RMND5A: variants seen among roughly 807,000 people sequenced by gnomAD.
RMND5A encodes the protein E3 ubiquitin-protein transferase RMND5A.
A neutral mutation model predicts 49.7 loss-of-function variants in RMND5A; 17 were observed. The ratio of observed to expected loss-of-function variants is 0.34; its 90% CI spans 0.23 to 0.51. The LOEUF (loss-of-function observed/expected upper bound fraction) is 0.51, where lower values mean the gene tolerates loss of function less well. RMND5A is among the 20% of genes least tolerant of loss of function. The pLI is 0.96. For missense variants in RMND5A, 255 were observed against 471.3 expected (o/e 0.54, Z 4.25); for synonymous variants, 156 against 167.7 (o/e 0.93, Z 0.54).
chr2:86,753,631 T>C, intron 4 of RMND5A, 73 bp downstream of exon 4: 1 of 685,846 alleles, frequency 1.5e-6, no homozygotes, highest in Non-Finnish European at 2.5e-6. Flanking sequence ...GAAAACACAT[T>C]AGAGATTTTT....
intron 4 of RMND5A, among the ~76,000 whole-genome samples, chr2:86,764,378 T>C (rs781386045): frequency 6.6e-6 from 1 of 152,254 alleles, no homozygotes; most frequent in African/African-American, 2.4e-5. Flanking sequence ...CAGTTCAAGA[T>C]TGATTATTCC....
intron 6 of RMND5A, among the ~76,000 whole-genome samples, chr2:86,767,395 A>G (rs1420963807): frequency 1.3e-5 from 2 of 150,038 alleles, no homozygotes; most frequent in South Asian, 2.1e-4. Flanking sequence ...AATCATTAAC[A>G]TAGTTACGCA....
At chr2:86,769,789 G>T (rs1381714978) in intron 6 of RMND5A, among the ~76,000 whole-genome samples, 1 of 151,988 alleles carries the variant, frequency 6.6e-6, no homozygotes, top group Non-Finnish European at 1.5e-5. Context: ...ACTGGGATTG[G>T]TTTTCAGTAA....
At chr2:86,743,524 G>A (rs1015155542) in intron 2 of RMND5A, among the ~76,000 whole-genome samples, 4 of 151,824 alleles carry the variant, frequency 2.6e-5, no homozygotes, top group Admixed American at 6.6e-5. Context: ...GAGTGCAGTG[G>A]CACCATCTCA....
intron 4 of RMND5A, among the ~76,000 whole-genome samples, chr2:86,757,207 A>AAAAAAAAG (rs70958905): frequency 6.9e-6 from 1 of 144,574 alleles, no homozygotes. Flanking sequence ...AAAAAAAAAA[A>AAAAAAAAG]GTGGAGGTGG....
intron 4 of RMND5A, among the ~76,000 whole-genome samples, chr2:86,761,757 C>G (rs1001198171): frequency 3.3e-5 from 5 of 152,130 alleles, no homozygotes; most frequent in African/African-American, 1.2e-4. Flanking sequence ...CTCCCAGTTC[C>G]TTTTTGTAAA....
intron 1 of RMND5A, among the ~76,000 whole-genome samples, chr2:86,734,193 CT>C (rs1344591143): frequency 2.1e-5 from 3 of 140,344 alleles, no homozygotes; most frequent in African/African-American, 5.9e-5. Context: ...ATTATTTTTC[CT>C]TGGAGCATTC....
rs748849540 is a variant in RMND5A, at chr2:86,753,523, G to A, written c.486G>A (p.Glu162=). ...TTGTGGAGTTAAATAGAATATTAGA[G>A]GCATTAAAGGTCAGAGTTCTGAGAC... The part of the protein sequence containing the change: ...EPFVELNRIL[E]ALKVRVLRPA... Residue 162 remains glutamate (E), a synonymous_variant, in exon 4 of 9, where the codon GAG becomes GAA. Coordinates refer to ENST00000283632, the MANE Select transcript of RMND5A (RefSeq NM_022780.4). 1 of 1,611,214 alleles carries A rather than the reference G, an allele frequency of 6.2e-7. No homozygotes were observed. The highest frequency in any genetic ancestry group is 1.7e-5 in the Admixed American group (1 of 59,940).
chr2:86,722,247 TAATGAA>T (rs1245571637), intron 1 of RMND5A, among the ~76,000 whole-genome samples: 1 of 11,212 alleles, frequency 8.9e-5, no homozygotes, highest in Non-Finnish European at 2.0e-4. Flanking sequence ...TTGAAGGGCT[TAATGAA>T]GATAGAATCG....
At position 86,775,740 on chromosome 2, in the gene RMND5A, A is replaced by T. The variant is rs1272510076; in HGVS notation, c.*2329A>T. ...GAATCTGACATATTATATGGAAATT[A>T]TATCTTGTGACCGTCTTCAAGTGCA... On this transcript the variant is annotated 3_prime_UTR_variant, in exon 9 of 9. Coordinates refer to ENST00000283632, the MANE Select transcript of RMND5A (RefSeq NM_022780.4). 2.0e-5 allele frequency: 3 copies of T among 152,360 alleles called. No individual in the cohort carries two copies. The East Asian group carries it at 5.8e-4, about 29-fold the overall frequency. The allele number at this position is 152,360 out of a possible 1,614,324, so 9.4% of individuals were successfully genotyped here.
intron 2 of RMND5A, among the ~76,000 whole-genome samples, chr2:86,742,871 C>A (rs1422540057): frequency 6.6e-6 from 1 of 151,248 alleles, no homozygotes; most frequent in African/African-American, 2.4e-5. Flanking sequence ...CCAAGGCAGC[C>A]AATCAGAGAT....
chr2:86,720,645 A>C lies in RMND5A; in HGVS notation c.-23A>C. 1 of 1,525,136 alleles carries C rather than the reference A, an allele frequency of 6.6e-7. No individual in the cohort carries two copies. The highest frequency in any genetic ancestry group is 8.8e-7 in the Non-Finnish European group (1 of 1,139,908). 94.5% of individuals were successfully genotyped at this position (1,525,136 alleles called of 1,614,324 possible). A position where few individuals can be genotyped will look rare whatever the true frequency, so the allele number is the denominator to read the frequency against. On this transcript the variant is annotated 5_prime_UTR_variant, in exon 1 of 9. Coordinates refer to ENST00000283632, the MANE Select transcript of RMND5A (RefSeq NM_022780.4). ...GGCTGCGGACACCTGGGCGCCGAGG[A>C]GCCGAGCGCCGCCGCCTCCGGCATG...
intron 4 of RMND5A, among the ~76,000 whole-genome samples, chr2:86,763,373 A>G (rs150448386): frequency 5.3e-5 from 8 of 152,182 alleles, no homozygotes. Context: ...TAAATGCACT[A>G]CTTGGAACTG....
Position 86,777,555 on chromosome 2 carries a change from C to A in RMND5A, c.*4144C>A, listed in dbSNP as rs1672790048. 1 of 152,184 alleles carries A rather than the reference C, an allele frequency of 6.6e-6. No individual in the cohort carries two copies. Among genetic ancestry groups the A allele is most frequent in the Non-Finnish European group, 1.5e-5 (1 of 68,042 alleles). 9.4% of individuals were successfully genotyped at this position (152,184 alleles called of 1,614,324 possible). A position where few individuals can be genotyped will look rare whatever the true frequency, so the allele number is the denominator to read the frequency against. The stretch of plus-strand genomic sequence containing the variant: ...TTTTCTAAACTTACACTAAAGGATT[C>A]ATCAAATCATCTTGTTCAGATGGCT... On this transcript the variant is annotated 3_prime_UTR_variant, in exon 9 of 9. Transcript: ENST00000283632.
Position 86,753,646 on chromosome 2 carries a change from A to G in RMND5A, c.521+88A>G, listed in dbSNP as rs935688443. On this transcript the variant is annotated intron_variant, in intron 4 of 8. Coordinates refer to ENST00000283632, the MANE Select transcript of RMND5A (RefSeq NM_022780.4). ...GAAAACACATTAGAGATTTTTAGAT[A>G]TATTTATCTTACCTGTGGTAGACTT... 2.3e-5 allele frequency: 15 copies of G among 639,554 alleles called. No homozygotes were observed. The East Asian group carries it at 4.2e-4, about 18-fold the overall frequency. 39.6% of individuals were successfully genotyped at this position (639,554 alleles called of 1,614,324 possible). A position where few individuals can be genotyped will look rare whatever the true frequency, so the allele number is the denominator to read the frequency against.
intron 4 of RMND5A, among the ~76,000 whole-genome samples, chr2:86,761,915 C>G (rs777851730): frequency 2.6e-5 from 4 of 151,994 alleles, no homozygotes; most frequent in African/African-American, 7.3e-5. Flanking sequence ...TTATATTTGT[C>G]TAAATAAATG....
intron 4 of RMND5A, among the ~76,000 whole-genome samples, chr2:86,758,378 G>A (rs76405022): frequency 6.7e-6 from 1 of 150,368 alleles, no homozygotes; most frequent in Non-Finnish European, 1.5e-5. Context: ...TTTTTTTTTG[G>A]TGGCTGCTTA....
Position 86,773,441 on chromosome 2 carries a change from T to A in RMND5A, c.*30T>A. 1.4e-6 allele frequency: 2 copies of A among 1,394,716 alleles called. No individual in the cohort carries two copies. Among genetic ancestry groups the A allele is most frequent in the Non-Finnish European group, 2.0e-6 (2 of 980,288 alleles). The allele number at this position is 1,394,716 out of a possible 1,614,324, so 86.4% of individuals were successfully genotyped here. On this transcript the variant is annotated 3_prime_UTR_variant, in exon 9 of 9. Coordinates refer to ENST00000283632, the MANE Select transcript of RMND5A (RefSeq NM_022780.4). ...ATAACTTTAGTTTGCAATTTGTAAGTGAAACTGAATCGTGGGTGCATTTCA... is the reference window on the plus strand; with the variant it reads ...ATAACTTTAGTTTGCAATTTGTAAGAGAAACTGAATCGTGGGTGCATTTCA...
At chr2:86,752,147 T>G (rs954603573) in intron 3 of RMND5A, 117 bp downstream of exon 3, 1 of 928,636 alleles carries the variant, frequency 1.1e-6, no homozygotes, top group Admixed American at 3.2e-5. Flanking sequence ...ATTTTTAATA[T>G]TTAAATTATC....
Sources: gnomAD v4.1 joint callset for allele counts (sites outside exome capture counted in the v4.1 genomes callset) on GRCh38, gnomAD v4.1.1 for gene constraint, MANE v1.5 for transcripts, NCBI Gene and HGNC (gene_info 2026-07-23, HGNC 2026-07-21) for gene names.